WNT2B: variants seen among roughly 807,000 people sequenced by gnomAD.
WNT2B encodes Wnt family member 2B.
WNT2B carries 19 observed loss-of-function variants against 40.5 expected under a neutral mutation model. The ratio of observed to expected loss-of-function variants is 0.47; its 90% CI spans 0.33 to 0.69. The LOEUF is 0.69. Ranked by LOEUF, WNT2B falls within the 30% of genes least tolerant of loss-of-function variation. The pLI is 0.02. For missense variants in WNT2B, 467 were observed against 556.4 expected (o/e 0.84, Z 1.62); for synonymous variants, 220 against 211.9 (o/e 1.04, Z -0.33).
chr1:112,510,740 GA>G (rs1283324274), intron 1 of WNT2B, among the ~76,000 whole-genome samples: 3 of 151,942 alleles, frequency 2.0e-5, no homozygotes, highest in Admixed American at 6.6e-5. Flanking sequence ...GGAAGGCAAG[GA>G]GGGGGGGTTC....
chr1:112,500,382 T>A (rs999896609), intron 1 of WNT2B, among the ~76,000 whole-genome samples: 1 of 152,156 alleles, frequency 6.6e-6, no homozygotes. Flanking sequence ...CCCATAAAAA[T>A]ATGGTATTAA....
intron 1 of WNT2B, among the ~76,000 whole-genome samples, chr1:112,471,484 T>C (rs993964096): frequency 6.6e-6 from 1 of 152,274 alleles, no homozygotes; most frequent in Non-Finnish European, 1.5e-5. Context: ...GATTATCTAT[T>C]CACAATTATT....
chr1:112,467,292 G>T (rs886290108), exon 1 of WNT2B: 4 of 528,248 alleles, frequency 7.6e-6, no homozygotes, highest in African/African-American at 3.9e-5. Flanking sequence ...CCCAGGCAAA[G>T]AATTTGTGCC....
chr1:112,498,060 C>T (rs1651832516), intron 1 of WNT2B, among the ~76,000 whole-genome samples: 2 of 151,998 alleles, frequency 1.3e-5, no homozygotes, highest in Admixed American at 6.6e-5. Flanking sequence ...TTTGTCCTAA[C>T]GATCTCTGTC....
Position 112,509,554 on chromosome 1 carries a change from G to C in WNT2B, c.182+110G>C. On this transcript the variant is annotated intron_variant, in intron 1 of 4. Coordinates refer to ENST00000369684, the MANE Select transcript of WNT2B (RefSeq NM_024494.3). This position sits in a 1 kb window ranked among gnomAD's most constrained non-coding sequence, Gnocchi z 4.2. ...CAGGCTGTTGCTTCGACGGGTTGGA[G>C]ACGATTCGGGCAGGACTGTCACTGA... 7.9e-7 allele frequency: 1 copy of C among 1,263,068 alleles called. No homozygotes were observed. The highest frequency in any genetic ancestry group is 2.9e-5 in the East Asian group (1 of 34,850). 78.2% of individuals were successfully genotyped at this position (1,263,068 alleles called of 1,614,324 possible). A position where few individuals can be genotyped will look rare whatever the true frequency, so the allele number is the denominator to read the frequency against.
Position 112,509,203 on chromosome 1 carries a change from C to G in WNT2B, c.-60C>G, listed in dbSNP as rs994722555. 95 of 1,441,066 alleles carry G rather than the reference C, an allele frequency of 6.6e-5. No individual in the cohort carries two copies. Among genetic ancestry groups the G allele is most frequent in the Non-Finnish European group, 8.4e-5 (93 of 1,108,748 alleles). 89.3% of individuals were successfully genotyped at this position (1,441,066 alleles called of 1,614,324 possible). A position where few individuals can be genotyped will look rare whatever the true frequency, so the allele number is the denominator to read the frequency against. On this transcript the variant is annotated 5_prime_UTR_variant, in exon 1 of 5. Transcript: ENST00000369684. This position sits in a 1 kb window ranked among gnomAD's most constrained non-coding sequence, Gnocchi z 4.2. ...GGTGAGGTAGGAGCAGCCTGAGTAC[C>G]CCCAGAAGGTGCCCCGTCCACGCCC...
chr1:112,529,672 C>T lies in WNT2B; in HGVS notation c.*9163C>T, dbSNP rs773762290. On this transcript the variant is annotated 3_prime_UTR_variant, in exon 5 of 5. Transcript: ENST00000369684. Reference sequence around the variant, plus strand: ...CAGGGAAATGTTATTGCTCAAAATGCAATTTTAAAAAATTCAATATGGAAC... The same window carrying T: ...CAGGGAAATGTTATTGCTCAAAATGTAATTTTAAAAAATTCAATATGGAAC... 6 of 139,296 alleles carry T rather than the reference C, an allele frequency of 4.3e-5. No homozygotes were observed. The highest frequency in any genetic ancestry group is 7.7e-5 in the Non-Finnish European group (5 of 65,342). 8.6% of individuals were successfully genotyped at this position (139,296 alleles called of 1,614,324 possible).
In WNT2B at chr1:112,483,927, A is replaced by G. The variant is rs534795446; in HGVS notation, c.-95+16336A>G. Among the ~76,000 whole-genome samples the G allele has an allele frequency of 3.0e-4, 46 of 150,922 alleles. No individual in the cohort carries two copies. In the South Asian group the frequency reaches 9.6e-3, roughly 31 times the overall value. On this transcript the variant is annotated intron_variant, in intron 1 of 4. Coordinates refer to the WNT2B transcript ENST00000256640. ...TGAAATCATCGGAGAAATGCAAATC[A>G]AATGAAATGTCACCTCACACCTGTT... is the stretch of plus-strand genomic sequence containing the variant.
In WNT2B at chr1:112,528,586, G is replaced by T. The variant is rs1314231067; in HGVS notation, c.*8077G>T. The T allele has an allele frequency of 3.3e-5, 5 of 152,228 alleles. No individual in the cohort carries two copies. The highest frequency in any genetic ancestry group is 7.3e-5 in the Non-Finnish European group (5 of 68,038). The allele number at this position is 152,228 out of a possible 1,614,324, so 9.4% of individuals were successfully genotyped here. On this transcript the variant is annotated 3_prime_UTR_variant, in exon 5 of 5. Transcript: ENST00000369684. ...ATTTGAGATTCTGGGCTAAGTAAGAGATATCAAATATCCTATCCAGTACTG... is the reference window on the plus strand; with the variant it reads ...ATTTGAGATTCTGGGCTAAGTAAGATATATCAAATATCCTATCCAGTACTG...
chr1:112,491,008 C>T (rs1169062579), intron 1 of WNT2B: 2 of 1,613,860 alleles, frequency 1.2e-6, no homozygotes, highest in African/African-American at 2.7e-5. Context: ...CTTTTCCGAC[C>T]AGACTGAAGG....
chr1:112,482,485 G>C (rs1651258891), intron 1 of WNT2B, among the ~76,000 whole-genome samples: 1 of 152,096 alleles, frequency 6.6e-6, no homozygotes, highest in Non-Finnish European at 1.5e-5. Context: ...ACAGGCACAT[G>C]CCACCAGCCC....
rs1342062907 is a variant in WNT2B, at chr1:112,490,072, G to T, written c.-95+22481G>T. Among the ~76,000 whole-genome samples the T allele has an allele frequency of 2.0e-5, 3 of 152,166 alleles. No individual in the cohort carries two copies. The East Asian group carries it at 5.8e-4, about 29-fold the overall frequency. On this transcript the variant is annotated intron_variant, in intron 1 of 4. Transcript: ENST00000256640. Reference sequence around the variant, plus strand: ...TGCATATTTCAGTTACATTAGAGTGGATGCCTATTACCAGGGGAAGGAATA... The same window carrying T: ...TGCATATTTCAGTTACATTAGAGTGTATGCCTATTACCAGGGGAAGGAATA...
intron 1 of WNT2B, among the ~76,000 whole-genome samples, chr1:112,483,801 G>A (rs1450207981): frequency 2.0e-5 from 3 of 147,938 alleles, no homozygotes; most frequent in African/African-American, 7.4e-5. Context: ...AAGAAAGAGA[G>A]AATAAATTTA....
rs1311791858 is a variant in WNT2B, at chr1:112,517,185, G to A, written c.746G>A (p.Arg249His). The A allele has an allele frequency of 8.1e-6, 13 of 1,614,082 alleles. No homozygotes were observed. The highest frequency in any genetic ancestry group is 1.7e-5 in the Admixed American group (1 of 60,012). The change falls in exon 4 of 5, where the codon CGC (arginine) becomes CAC (histidine). Residue 249 changes from arginine (R) to histidine (H), a missense_variant. Arg to His is a conservative substitution (Grantham distance 29). This residue lies in a region of WNT2B where 330 missense variants were observed against 438.6 expected (regional missense o/e 0.75). Coordinates refer to ENST00000369684, the MANE Select transcript of WNT2B (RefSeq NM_024494.3). ...GGCGTGAGTGGTTCCTGTACTCTGC[G>A]CACCTGCTGGCGTGCACTCTCAGAT... ...CHGVSGSCTLRTCWRALSDFR... is the reference protein window; with the variant it reads ...CHGVSGSCTLHTCWRALSDFR...
At chr1:112,488,247 G>A (rs934221547) in intron 1 of WNT2B, among the ~76,000 whole-genome samples, 1 of 152,000 alleles carries the variant, frequency 6.6e-6, no homozygotes, top group East Asian at 1.9e-4. Flanking sequence ...GCAGTTAGCC[G>A]AGATCGCTCC....
At chr1:112,506,628 A>C (rs940808831), upstream of WNT2B, among the ~76,000 whole-genome samples, 6 of 152,138 alleles carry the variant, frequency 3.9e-5, no homozygotes, top group African/African-American at 9.7e-5. Context: ...GAGGTAAAAG[A>C]GTGGTCCAAG....
rs561034820 is a variant in WNT2B at position 112,519,550 on chromosome 1, T to G, written c.947-730T>G. 2.5e-4 allele frequency among the ~76,000 whole-genome samples: 38 copies of G among 152,332 alleles called. No homozygotes were observed. The South Asian group carries it at 7.9e-3, about 32-fold the overall frequency. The stretch of plus-strand genomic sequence containing the variant: ...TTGCTAAAATCAGTCAGAATGAGGT[T>G]CTAAGCATTCCCTATGCATGGGGAA... On this transcript the variant is annotated intron_variant, in intron 4 of 4. Coordinates refer to ENST00000369684, the MANE Select transcript of WNT2B (RefSeq NM_024494.3).
chr1:112,500,894 A>G (rs1015871996), intron 1 of WNT2B, among the ~76,000 whole-genome samples: 2 of 152,254 alleles, frequency 1.3e-5, no homozygotes, highest in Non-Finnish European at 2.9e-5. Context: ...CTTACACTAC[A>G]AATGTATGGT....
chr1:112,472,940 G>A (rs1650926430), intron 1 of WNT2B, among the ~76,000 whole-genome samples: 1 of 141,370 alleles, frequency 7.1e-6, no homozygotes, highest in Non-Finnish European at 1.5e-5. Context: ...TCTAGCCTGG[G>A]CAACAAAGCA....
Sources: gnomAD v4.1 joint callset for allele counts (sites outside exome capture counted in the v4.1 genomes callset) on GRCh38, gnomAD v4.1.1 for gene constraint, gnomAD v4.1.1 regional missense constraint, Gnocchi (gnomAD v3.1) non-coding constraint, MANE v1.5 for transcripts, NCBI Gene and HGNC (gene_info 2026-07-23, HGNC 2026-07-21) for gene names.